IL17D: variants seen among roughly 807,000 people sequenced by gnomAD.
The protein encoded by IL17D is interleukin 17D.
IL17D carries 10 observed loss-of-function variants against 5.7 expected under a neutral mutation model. The observed-to-expected ratio is 1.75, with a 90% CI of 1.08 to 2.97. The LOEUF is 2.97. IL17D is among the 30% of genes most tolerant of loss of function. The pLI is 0.00. For missense variants in IL17D, 354 were observed against 292.7 expected, an observed-to-expected ratio of 1.21 and a Z score of -1.53; for synonymous variants, 172 against 141.7, an observed-to-expected ratio of 1.21 and a Z score of -1.52.
upstream of IL17D, chr13:20,703,430 G>A (rs2058559888): frequency 3.0e-6 from 3 of 985,672 alleles, no homozygotes; most frequent in South Asian, 9.4e-5. Context: ...TCGGCTTCTC[G>A]GTCCGAGTCC....
chr13:20,703,374 G>C (rs1230302063), upstream of IL17D: 6 of 986,132 alleles, frequency 6.1e-6, no homozygotes, highest in East Asian at 6.8e-4. Flanking sequence ...GGCGAAAGGT[G>C]CAGAGTCGCT....
rs2058746965 is a variant in IL17D, at chr13:20,722,689, G to A, written c.*735G>A. ...AAAGGGATGCACAGGCGGCTCGCATGCCCCAGGGCCAGCTAAGAGTTCCAA... is the reference window on the plus strand; with the variant it reads ...AAAGGGATGCACAGGCGGCTCGCATACCCCAGGGCCAGCTAAGAGTTCCAA... On this transcript the variant is annotated 3_prime_UTR_variant, in exon 2 of 2. Transcript: ENST00000682841. 6.6e-6 allele frequency: 1 copy of A among 152,218 alleles called. No individual in the cohort carries two copies. Among genetic ancestry groups the A allele is most frequent in the African/African-American group, 2.4e-5 (1 of 41,444 alleles). The allele number at this position is 152,218 out of a possible 1,614,324, so 9.4% of individuals were successfully genotyped here.
chr13:20,703,154 A>C, upstream of IL17D: 1 of 362,120 alleles, frequency 2.8e-6, no homozygotes, highest in Non-Finnish European at 3.8e-6. Flanking sequence ...GGCGCAGCAC[A>C]GGCCCTGAGC....
Position 20,721,832 on chromosome 13 carries a change from A to G in IL17D, c.487A>G (p.Ile163Val), listed in dbSNP as rs773893360. 5.6e-6 allele frequency: 9 copies of G among 1,610,422 alleles called. No homozygotes were observed. The East Asian group carries it at 2.0e-4, about 36-fold the overall frequency. Reference sequence around the variant, plus strand: ...CGTCTACACCGAGGCCTACGTCACCATCCCCGTGGGCTGCACCTGCGTCCC... The same window carrying G: ...CGTCTACACCGAGGCCTACGTCACCGTCCCCGTGGGCTGCACCTGCGTCCC... ...RSVYTEAYVT[I>V]PVGCTCVPEP... Residue 163 changes from isoleucine to valine, a missense_variant, in exon 2 of 2, where the codon ATC (isoleucine) becomes GTC (valine). By Grantham distance (29) the Ile-to-Val change is conservative (BLOSUM62 3). Coordinates refer to ENST00000682841, the MANE Select transcript of IL17D (RefSeq NM_001385224.1).
At chr13:20,711,795 C>A (rs1289984536) in intron 1 of IL17D, among the ~76,000 whole-genome samples, 1 of 151,914 alleles carries the variant, frequency 6.6e-6, no homozygotes, top group Non-Finnish European at 1.5e-5. Context: ...TCAGGGATTT[C>A]ATTTGAAAAG....
chr13:20,706,285 A>C (rs2058591780), intron 1 of IL17D, among the ~76,000 whole-genome samples: 1 of 152,200 alleles, frequency 6.6e-6, no homozygotes, highest in African/African-American at 2.4e-5. Context: ...GGGATGGACT[A>C]CGGCATTCTT....
At chr13:20,709,999 GA>G (rs1367067894) in intron 1 of IL17D, among the ~76,000 whole-genome samples, 3 of 152,164 alleles carry the variant, frequency 2.0e-5, no homozygotes, top group Non-Finnish European at 2.9e-5. Context: ...CTGGAAAGAT[GA>G]AGGTATTGGC....
At chr13:20,705,683 C>T (rs575396490) in intron 1 of IL17D, among the ~76,000 whole-genome samples, 1 of 152,006 alleles carries the variant, frequency 6.6e-6, no homozygotes, top group Non-Finnish European at 1.5e-5. Context: ...CGTGACAAAG[C>T]GAGACCCCGT....
chr13:20,707,252 C>T (rs2058597922), intron 1 of IL17D, among the ~76,000 whole-genome samples: 1 of 151,748 alleles, frequency 6.6e-6, no homozygotes, highest in African/African-American at 2.4e-5. Flanking sequence ...TCACTTGAGC[C>T]CAGGAGTTTG....
intron 1 of IL17D, chr13:20,717,301 CAA>C (rs925041710): frequency 2.0e-5 from 3 of 152,270 alleles, no homozygotes; most frequent in Non-Finnish European, 2.9e-5. Flanking sequence ...AATGTGAAGA[CAA>C]AAGAATGACT....
At chr13:20,710,899 AGAAAAG>A (rs1424890186) in intron 1 of IL17D, among the ~76,000 whole-genome samples, 1 of 152,186 alleles carries the variant, frequency 6.6e-6, no homozygotes, top group Non-Finnish European at 1.5e-5. Flanking sequence ...AGGTAAACAA[AGAAAAG>A]GACAAGGAGT....
At chr13:20,717,710 G>C (rs1022304449) in intron 1 of IL17D, among the ~76,000 whole-genome samples, 18 of 152,258 alleles carry the variant, frequency 1.2e-4, no homozygotes, top group African/African-American at 3.4e-4. Context: ...CCTGAAACCC[G>C]CCCCTGTTCA....
chr13:20,712,727 C>A (rs1212260594), intron 1 of IL17D: 2 of 151,680 alleles, frequency 1.3e-5, no homozygotes, highest in African/African-American at 4.8e-5. Context: ...GTACGCGCGT[C>A]CCCACTGTCT....
In IL17D at chr13:20,711,360, C is replaced by T. The variant is rs550357678; in HGVS notation, c.290+7069C>T. Among the ~76,000 whole-genome samples, 10 of 152,058 alleles carry T rather than the reference C, an allele frequency of 6.6e-5. No homozygotes were observed. The East Asian group carries it at 1.9e-3, about 29-fold the overall frequency. On this transcript the variant is annotated intron_variant, in intron 1 of 1. Coordinates refer to ENST00000682841, the MANE Select transcript of IL17D (RefSeq NM_001385224.1). ...GTGCTGGCATCTGGTGAGAGTCGTC[C>T]CACGCTGGAAGGTGGAAGCAAGTGA... is the stretch of plus-strand genomic sequence containing the variant.
chr13:20,704,574 T>TG (rs2058576141), intron 1 of IL17D, among the ~76,000 whole-genome samples: 1 of 140,934 alleles, frequency 7.1e-6, no homozygotes, highest in Admixed American at 7.2e-5. Flanking sequence ...GTTGGAGCAC[T>TG]GGGGGGCAAT....
At chr13:20,717,660 G>T (rs1193863573) in intron 1 of IL17D, among the ~76,000 whole-genome samples, 1 of 152,186 alleles carries the variant, frequency 6.6e-6, no homozygotes, top group Non-Finnish European at 1.5e-5. Flanking sequence ...TAGATGCGCG[G>T]CACCCCCCTT....
chr13:20,703,566 C>T (rs1386277555), upstream of IL17D: 4 of 353,402 alleles, frequency 1.1e-5, no homozygotes, highest in Non-Finnish European at 1.6e-5. Context: ...GGCGGCGGGT[C>T]CGGGCGTCTT....
chr13:20,717,805 C>CG (rs2058689328), intron 1 of IL17D, among the ~76,000 whole-genome samples: 1 of 152,156 alleles, frequency 6.6e-6, no homozygotes, highest in African/African-American at 2.4e-5. Context: ...ATCCCAGCGG[C>CG]GGGGGCAATT....
At position 20,703,928 on chromosome 13, in the gene IL17D, G is replaced by A; in HGVS notation, c.-74G>A. The A allele has an allele frequency of 2.3e-6, 2 of 872,936 alleles. No homozygotes were observed. Among genetic ancestry groups the A allele is most frequent in the Non-Finnish European group, 1.4e-6 (1 of 727,466 alleles). 54.1% of individuals were successfully genotyped at this position (872,936 alleles called of 1,614,324 possible). Reference sequence around the variant, plus strand: ...CGCCGGCTCCGGGCGCCGCGGGCGGGACACGGGCGCGGGGCGCAGGCGGGC... The same window carrying A: ...CGCCGGCTCCGGGCGCCGCGGGCGGAACACGGGCGCGGGGCGCAGGCGGGC... On this transcript the variant is annotated 5_prime_UTR_variant, in exon 1 of 2. Coordinates refer to ENST00000682841, the MANE Select transcript of IL17D (RefSeq NM_001385224.1).
Sources: gnomAD v4.1 joint callset for allele counts (sites outside exome capture counted in the v4.1 genomes callset) on GRCh38, gnomAD v4.1.1 for gene constraint, MANE v1.5 for transcripts, NCBI Gene and HGNC (gene_info 2026-07-23, HGNC 2026-07-21) for gene names.